Variants in DGLUCY observed in about 807,000 individuals in gnomAD.
DGLUCY encodes the protein D-glutamate cyclase, mitochondrial.
In DGLUCY, 58 loss-of-function variants were observed where a neutral mutation model predicts 58.5. The observed-to-expected ratio is 0.99, with a 90% CI of 0.80 to 1.23. The LOEUF is 1.23. DGLUCY is among the 50% of genes most tolerant of loss of function. The pLI, the probability that DGLUCY is intolerant of heterozygous loss-of-function variation, is 0.00. For missense variants in DGLUCY, 779 were observed against 784.7 expected, an observed-to-expected ratio of 0.99 and a Z score of 0.09; for synonymous variants, 325 against 314.1, an observed-to-expected ratio of 1.03 and a Z score of -0.37.
Position 91,181,345 on chromosome 14 carries a change from C to G in DGLUCY, c.890C>G (p.Ser297Cys), listed in dbSNP as rs1241556254. 3.7e-6 allele frequency: 6 copies of G among 1,614,120 alleles called. No homozygotes were observed. The South Asian group carries it at 6.6e-5, about 18-fold the overall frequency. Reference sequence around the variant, plus strand: ...TACAGCATCGCGTCAGTCTCTGCTTCTCAGAAGATCAGAGAACTAGAGTCT... The same window carrying G: ...TACAGCATCGCGTCAGTCTCTGCTTGTCAGAAGATCAGAGAACTAGAGTCT... ...LHYSIASVSA[S>C]QKIRELESMI... Residue 297 changes from serine to cysteine, a missense_variant, in exon 8 of 14, where the codon TCT becomes TGT. Transcript: ENST00000256324.
At chr14:91,069,270 T>C (rs1301601883) in intron 1 of DGLUCY, among the ~76,000 whole-genome samples, 6 of 152,216 alleles carry the variant, frequency 3.9e-5, no homozygotes, top group Admixed American at 3.9e-4. Context: ...TCGTTGCACT[T>C]ATTTATTGTT....
intron 12 of DGLUCY, among the ~76,000 whole-genome samples, chr14:91,213,717 T>TGTTTGTTTGTTTGTTA (rs747475883): frequency 1.3e-5 from 2 of 151,908 alleles, no homozygotes; most frequent in Admixed American, 6.6e-5. Flanking sequence ...TTTGTTTGTT[T>TGTTTGTTTGTTTGTTA]GTTACGGAGT....
chr14:91,178,118 G>A (rs1211033113), intron 7 of DGLUCY, among the ~76,000 whole-genome samples: 2 of 152,178 alleles, frequency 1.3e-5, no homozygotes, highest in East Asian at 3.9e-4. Flanking sequence ...ATTGATCGTA[G>A]ATGAGAACAA....
chr14:91,065,317 G>C (rs1007472195), intron 1 of DGLUCY, among the ~76,000 whole-genome samples: 1 of 152,188 alleles, frequency 6.6e-6, no homozygotes, highest in Non-Finnish European at 1.5e-5. Flanking sequence ...CTCTGGGTGG[G>C]AGATGAGCGG....
intron 1 of DGLUCY, among the ~76,000 whole-genome samples, chr14:91,068,124 A>G (rs1039161675): frequency 3.0e-5 from 4 of 133,200 alleles, no homozygotes; most frequent in African/African-American, 1.1e-4. Context: ...CACCCCTTGC[A>G]TTCACAGAGA....
intron 10 of DGLUCY, among the ~76,000 whole-genome samples, chr14:91,199,445 GT>G (rs1463384440): frequency 2.7e-5 from 4 of 146,512 alleles, no homozygotes; most frequent in East Asian, 2.1e-4. Context: ...TAGAGATGAG[GT>G]TTCACCATGT....
intron 1 of DGLUCY, among the ~76,000 whole-genome samples, chr14:91,149,305 A>G (rs556867346): frequency 6.6e-6 from 1 of 152,070 alleles, no homozygotes; most frequent in Non-Finnish European, 1.5e-5. Flanking sequence ...AAGAGTTTGC[A>G]TACTTTGCTA....
upstream of DGLUCY, among the ~76,000 whole-genome samples, chr14:91,111,527 C>T (rs897684057): frequency 6.6e-6 from 1 of 152,144 alleles, no homozygotes; most frequent in African/African-American, 2.4e-5. Context: ...GTGATCCACC[C>T]ACCTTGGCCT....
rs1033394733 is a variant in DGLUCY, at chr14:91,224,957, G to T, written c.*124G>T. 1.7e-6 allele frequency: 2 copies of T among 1,168,578 alleles called. No individual in the cohort carries two copies. The highest frequency in any genetic ancestry group is 2.3e-6 in the Non-Finnish European group (2 of 869,300). 72.4% of individuals were successfully genotyped at this position (1,168,578 alleles called of 1,614,324 possible). A position where few individuals can be genotyped will look rare whatever the true frequency, so the allele number is the denominator to read the frequency against. ...GGTCTTCGGTGAGCAACGAACACTCGCCTGGCCTGGGAAACTGCATGCCCA... is the reference window on the plus strand; with the variant it reads ...GGTCTTCGGTGAGCAACGAACACTCTCCTGGCCTGGGAAACTGCATGCCCA... On this transcript the variant is annotated 3_prime_UTR_variant, in exon 14 of 14. Coordinates refer to ENST00000256324, the MANE Select transcript of DGLUCY (RefSeq NM_001102368.3).
intron 1 of DGLUCY, among the ~76,000 whole-genome samples, chr14:91,065,041 C>A (rs1171632459): frequency 6.6e-6 from 1 of 152,068 alleles, no homozygotes; most frequent in Non-Finnish European, 1.5e-5. Context: ...CTTAGTAAAG[C>A]AGAAGCACGC....
chr14:91,217,923 G>A (rs1199265489), intron 13 of DGLUCY, among the ~76,000 whole-genome samples: 1 of 152,112 alleles, frequency 6.6e-6, no homozygotes, highest in East Asian at 1.9e-4. Flanking sequence ...CACCTGCCTG[G>A]ATTGGTGGTG....
intron 1 of DGLUCY, among the ~76,000 whole-genome samples, chr14:91,071,866 C>CAAAA (rs921798938): frequency 1.0e-4 from 11 of 108,378 alleles, no homozygotes; most frequent in African/African-American, 3.8e-4. Context: ...GACTCCATCT[C>CAAAA]AAAAAAAAAA....
chr14:91,123,072 A>C (rs772650278), intron 1 of DGLUCY, among the ~76,000 whole-genome samples: 1 of 152,112 alleles, frequency 6.6e-6, no homozygotes, highest in Non-Finnish European at 1.5e-5. Context: ...AGAGACAATC[A>C]AGAGTTGCTC....
intron 1 of DGLUCY, among the ~76,000 whole-genome samples, chr14:91,119,442 A>T (rs1245314440): frequency 6.6e-6 from 1 of 152,100 alleles, no homozygotes; most frequent in Non-Finnish European, 1.5e-5. Flanking sequence ...GACCTTTGGT[A>T]CCACTGTGCT....
intron 1 of DGLUCY, chr14:91,091,140 A>G (rs2044304083): frequency 2.0e-5 from 3 of 152,212 alleles, no homozygotes; most frequent in African/African-American, 7.2e-5. Flanking sequence ...AAAGCCCCAA[A>G]TAAAAATACA....
intron 5 of DGLUCY, 150 bp from the exon 6 acceptor site, chr14:91,173,139 C>T (rs2048665563): frequency 2.3e-6 from 2 of 862,872 alleles, no homozygotes; most frequent in East Asian, 5.3e-5. Flanking sequence ...CAAACTCCCT[C>T]TCTCTATGTC....
At chr14:91,128,032 T>C (rs1256438820) in intron 1 of DGLUCY, among the ~76,000 whole-genome samples, 1 of 150,700 alleles carries the variant, frequency 6.6e-6, no homozygotes, top group Non-Finnish European at 1.5e-5. Context: ...ACTTGAGAGG[T>C]GTTGCTCACC....
chr14:91,077,062 G>C (rs958690467), intron 1 of DGLUCY, among the ~76,000 whole-genome samples: 27 of 152,098 alleles, frequency 1.8e-4, no homozygotes, highest in African/African-American at 4.3e-4. Context: ...GAGCAACATC[G>C]TGAGAGCCTG....
chr14:91,150,969 C>T (rs2047302800), intron 1 of DGLUCY, among the ~76,000 whole-genome samples: 2 of 152,306 alleles, frequency 1.3e-5, no homozygotes, highest in East Asian at 1.9e-4. Flanking sequence ...CATTCCCCAC[C>T]CCATCTCCTG....
Sources: gnomAD v4.1 joint callset for allele counts (sites outside exome capture counted in the v4.1 genomes callset) on GRCh38, gnomAD v4.1.1 for gene constraint, MANE v1.5 for transcripts, NCBI Gene and HGNC (gene_info 2026-07-23, HGNC 2026-07-21) for gene names.